FOXP2: variants seen among roughly 807,000 people sequenced by gnomAD.
The protein encoded by FOXP2 is forkhead box protein P2.
A neutral mutation model predicts 115.8 loss-of-function variants in FOXP2; 12 were observed. That is an observed-to-expected ratio of 0.10 (90% CI 0.07 to 0.17). The LOEUF (loss-of-function observed/expected upper bound fraction) is 0.17, where lower values mean the gene tolerates loss of function less well. Among genes scored for constraint, FOXP2 ranks in the 10% least tolerant of loss-of-function variants. The pLI is 1.00. For missense variants in FOXP2, 629 were observed against 843.5 expected, an observed-to-expected ratio of 0.75 and a Z score of 3.15; for synonymous variants, 328 against 297.7, an observed-to-expected ratio of 1.10 and a Z score of -1.05.
intron 3 of FOXP2, among the ~76,000 whole-genome samples, chr7:114,536,502 A>G (rs1799406360): frequency 6.6e-6 from 1 of 150,376 alleles, no homozygotes; most frequent in South Asian, 2.1e-4. Flanking sequence ...CCACAATAGA[A>G]TGTGGGAATA....
rs565909014 is a variant in FOXP2 at position 114,663,474 on chromosome 7, A to G, written c.1794A>G (p.Ile598Met). Residue 598 changes from isoleucine to methionine, a missense_variant, in exon 15 of 17, where the codon ATA becomes ATG. Coordinates refer to ENST00000350908, the MANE Select transcript of FOXP2 (RefSeq NM_014491.4). ...GAAGTCCAACCTTAGTAAAAAATAT[A>G]CCTACCAGTTTAGGCTATGGAGCAG... is the stretch of plus-strand genomic sequence containing the variant. ...ITGSPTLVKN[I>M]PTSLGYGAAL... is the part of the protein sequence containing the mutation. The G allele has an allele frequency of 1.2e-5, 20 of 1,611,212 alleles. No homozygotes were observed. The South Asian group carries it at 2.1e-4, about 17-fold the overall frequency.
intron 2 of FOXP2, among the ~76,000 whole-genome samples, chr7:114,433,994 GA>G (rs1010420394): frequency 5.3e-5 from 8 of 151,418 alleles, no homozygotes; most frequent in Admixed American, 1.3e-4. Context: ...GCAATATATT[GA>G]AAAAAAAGTC....
At chr7:114,300,228 A>C (rs892129073) in intron 2 of FOXP2, among the ~76,000 whole-genome samples, 1 of 152,152 alleles carries the variant, frequency 6.6e-6, no homozygotes, top group Non-Finnish European at 1.5e-5. Flanking sequence ...ACAGATGACG[A>C]TTCAATCTAT....
At chr7:114,281,742 T>G (rs1257917552) in intron 1 of FOXP2, among the ~76,000 whole-genome samples, 1 of 152,212 alleles carries the variant, frequency 6.6e-6, no homozygotes, top group Non-Finnish European at 1.5e-5. Context: ...TGTCCTATTC[T>G]TGAATAAATA....
At chr7:114,295,454 A>G (rs1796719325) in intron 2 of FOXP2, among the ~76,000 whole-genome samples, 1 of 152,220 alleles carries the variant, frequency 6.6e-6, no homozygotes, top group South Asian at 2.1e-4. Context: ...ACAAATTTGT[A>G]AGGAAAGGTT....
At chr7:114,677,022 C>T (rs755138514) in intron 16 of FOXP2, among the ~76,000 whole-genome samples, 46 of 151,744 alleles carry the variant, frequency 3.0e-4, no homozygotes, top group Non-Finnish European at 5.9e-4. Context: ...AAAAATTAGC[C>T]GGGCGTGGTT....
At chr7:114,178,354 G>A (rs913297899) in intron 1 of FOXP2, among the ~76,000 whole-genome samples, 4 of 151,708 alleles carry the variant, frequency 2.6e-5, no homozygotes, top group Admixed American at 6.6e-5. Context: ...ATTACATAGT[G>A]ATTGCATATA....
At chr7:114,246,405 C>CT (rs1795285746) in intron 1 of FOXP2, among the ~76,000 whole-genome samples, 1 of 151,904 alleles carries the variant, frequency 6.6e-6, no homozygotes, top group South Asian at 2.1e-4. Context: ...GATCTAGAGT[C>CT]TTTTTTAGTT....
At chr7:114,191,704 C>T (rs1793765662) in intron 1 of FOXP2, among the ~76,000 whole-genome samples, 1 of 152,144 alleles carries the variant, frequency 6.6e-6, no homozygotes, top group Non-Finnish European at 1.5e-5. Flanking sequence ...AACACAGTTT[C>T]CCCTATTATT....
At chr7:114,660,808 T>C (rs546643256) in intron 13 of FOXP2, among the ~76,000 whole-genome samples, 1 of 152,282 alleles carries the variant, frequency 6.6e-6, no homozygotes, top group East Asian at 1.9e-4. Flanking sequence ...TGTTCTGTCA[T>C]TTGATTTACT....
rs1042684042 is a variant in FOXP2 at position 114,415,175 on chromosome 7, G to C, written c.-196G>C. Reference sequence around the variant, plus strand: ...GTGATCGGGCAGAGGTGTACTCACAGTAGTGTAAATACTGCTGTAAATAGT... The same window carrying C: ...GTGATCGGGCAGAGGTGTACTCACACTAGTGTAAATACTGCTGTAAATAGT... On this transcript the variant is annotated 5_prime_UTR_variant, in exon 1 of 17. Coordinates refer to ENST00000350908, the MANE Select transcript of FOXP2 (RefSeq NM_014491.4). The C allele has an allele frequency of 2.2e-6, 1 of 454,218 alleles. No individual in the cohort carries two copies. Among genetic ancestry groups the C allele is most frequent in the Non-Finnish European group, 4.4e-6 (1 of 226,744 alleles). The allele number at this position is 454,218 out of a possible 1,614,324, so 28.1% of individuals were successfully genotyped here.
chr7:114,443,145 T>C (rs1794681369), intron 2 of FOXP2, among the ~76,000 whole-genome samples: 1 of 152,224 alleles, frequency 6.6e-6, no homozygotes. Flanking sequence ...CTTTTCAAAA[T>C]GTTTTCAAAT....
At chr7:114,651,184 C>T (rs1294970207) in intron 8 of FOXP2, among the ~76,000 whole-genome samples, 1 of 151,850 alleles carries the variant, frequency 6.6e-6, no homozygotes, top group Non-Finnish European at 1.5e-5. Context: ...ATACTTGAGC[C>T]CACTTGGGTA....
chr7:114,650,597 C>G (rs1260120733), intron 8 of FOXP2, among the ~76,000 whole-genome samples: 3 of 152,008 alleles, frequency 2.0e-5, no homozygotes, highest in African/African-American at 7.2e-5. Context: ...ATTGGTGACA[C>G]TTTCTGTTAA....
intron 2 of FOXP2, among the ~76,000 whole-genome samples, chr7:114,485,772 C>T (rs891799467): frequency 6.6e-6 from 1 of 152,028 alleles, no homozygotes; most frequent in Non-Finnish European, 1.5e-5. Context: ...GTACTGTTCA[C>T]TTACAAAATT....
At chr7:114,255,957 GA>G (rs1795600543) in intron 1 of FOXP2, among the ~76,000 whole-genome samples, 1 of 152,110 alleles carries the variant, frequency 6.6e-6, no homozygotes, top group African/African-American at 2.4e-5. Context: ...GGTCTTTGAG[GA>G]ATCACCACAC....
chr7:114,094,386 A>G (rs969960244), intron 1 of FOXP2, among the ~76,000 whole-genome samples: 1 of 152,220 alleles, frequency 6.6e-6, no homozygotes, highest in African/African-American at 2.4e-5. Flanking sequence ...TACTTTGTTC[A>G]TATTTAAAAT....
intron 2 of FOXP2, among the ~76,000 whole-genome samples, chr7:114,448,580 G>A (rs1387706272): frequency 6.6e-6 from 1 of 151,948 alleles, no homozygotes; most frequent in Non-Finnish European, 1.5e-5. Context: ...ACCCATAGTG[G>A]TGCCGCTAGC....
chr7:114,615,718 C>T (rs1196804496), intron 3 of FOXP2, among the ~76,000 whole-genome samples: 1 of 152,124 alleles, frequency 6.6e-6, no homozygotes, highest in Non-Finnish European at 1.5e-5. Context: ...CTGTGGGTCT[C>T]TTTTGTTAGA....
Sources: allele counts gnomAD v4.1 joint callset (sites outside exome capture counted in the v4.1 genomes callset), GRCh38; gene constraint gnomAD v4.1.1; transcripts MANE v1.5; gene names NCBI Gene and HGNC (gene_info 2026-07-23, HGNC 2026-07-21).